Variants in RBFOX2 observed in about 807,000 individuals in gnomAD.
The protein encoded by RBFOX2 is RNA binding protein fox-1 homolog 2.
RBFOX2 carries 10 observed loss-of-function variants against 49.1 expected under a neutral mutation model. That is an observed-to-expected ratio of 0.20 (90% CI 0.13 to 0.35). The LOEUF is 0.35. Ranked by LOEUF, RBFOX2 falls within the 10% of genes least tolerant of loss-of-function variation. RBFOX2 has a pLI of 1.00. For synonymous variants in RBFOX2, 183 were observed against 187.4 expected (o/e 0.98, Z 0.19); for missense variants, 323 against 486.9 (o/e 0.66, Z 3.17).
At chr22:35,771,931 ACATTAAGTTGGT>A (rs1437197472) in intron 4 of RBFOX2, among the ~76,000 whole-genome samples, 1 of 152,206 alleles carries the variant, frequency 6.6e-6, no homozygotes, top group Non-Finnish European at 1.5e-5. Flanking sequence ...AATTGAATTG[ACATTAAGTTGGT>A]CATTCTGATC....
intron 1 of RBFOX2, among the ~76,000 whole-genome samples, chr22:35,981,051 A>G (rs922639191): frequency 1.3e-5 from 2 of 152,224 alleles, no homozygotes; most frequent in African/African-American, 4.8e-5. Context: ...ATAAATACTA[A>G]GAAAGAAGCC....
At chr22:35,815,498 A>G (rs1326427046) in intron 1 of RBFOX2, among the ~76,000 whole-genome samples, 1 of 152,254 alleles carries the variant, frequency 6.6e-6, no homozygotes, top group Non-Finnish European at 1.5e-5. Context: ...CCTCAACTTC[A>G]TTCTAATTTT....
chr22:35,876,806 C>T (rs188001701), intron 1 of RBFOX2, among the ~76,000 whole-genome samples: 243 of 151,682 alleles, frequency 1.6e-3, no homozygotes, highest in Non-Finnish European at 2.1e-3. Context: ...ATGGGGAAAA[C>T]GTTTGAGCAC....
intron 1 of RBFOX2, among the ~76,000 whole-genome samples, chr22:35,989,929 C>G (rs548160155): frequency 6.6e-6 from 1 of 152,284 alleles, no homozygotes; most frequent in Non-Finnish European, 1.5e-5. Context: ...CACCTACAAT[C>G]CCAGCAGTTT....
At chr22:36,009,657 G>C (rs780265083) in intron 1 of RBFOX2, among the ~76,000 whole-genome samples, 2 of 152,146 alleles carry the variant, frequency 1.3e-5, no homozygotes, top group Non-Finnish European at 2.9e-5. Context: ...CCAAAGTGCT[G>C]GGATTACAGG....
intron 1 of RBFOX2, among the ~76,000 whole-genome samples, chr22:35,886,789 T>C (rs1157751619): frequency 6.6e-6 from 1 of 152,196 alleles, no homozygotes; most frequent in Non-Finnish European, 1.5e-5. Flanking sequence ...CACTGATGAA[T>C]GATGCAGTTC....
At chr22:35,769,506 G>T (rs1942047531) in intron 4 of RBFOX2, among the ~76,000 whole-genome samples, 1 of 152,034 alleles carries the variant, frequency 6.6e-6, no homozygotes, top group Non-Finnish European at 1.5e-5. Flanking sequence ...CATTCTAGGT[G>T]CTCTGTCCTT....
At chr22:35,856,181 G>A (rs1170393123) in intron 1 of RBFOX2, among the ~76,000 whole-genome samples, 1 of 152,094 alleles carries the variant, frequency 6.6e-6, no homozygotes, top group Non-Finnish European at 1.5e-5. Flanking sequence ...AAATTATCAT[G>A]AGATTTGTAA....
At chr22:35,963,512 A>C (rs1466787723), upstream of RBFOX2, among the ~76,000 whole-genome samples, 2 of 152,288 alleles carry the variant, frequency 1.3e-5, no homozygotes, top group Admixed American at 1.3e-4. Flanking sequence ...CAAGAGGGAG[A>C]CTAAAGCAGT....
chr22:35,794,896 G>T (rs1315061955), intron 2 of RBFOX2, among the ~76,000 whole-genome samples: 2 of 152,148 alleles, frequency 1.3e-5, no homozygotes, highest in Non-Finnish European at 2.9e-5. Flanking sequence ...GGCATTAGGA[G>T]TAAGTAGGTA....
rs537476427 is a variant in RBFOX2 at position 35,967,782 on chromosome 22, T to G, written c.187-28885A>C. 1.1e-4 allele frequency among the ~76,000 whole-genome samples: 16 copies of G among 152,252 alleles called. No individual in the cohort carries two copies. The South Asian group carries it at 2.5e-3, about 24-fold the overall frequency. ...GCATTTCCTTATTAGTGCTACTGTT[T>G]CCAGTACACACATCTAAAATCCGTA... On this transcript the variant is annotated intron_variant, in intron 1 of 13. Coordinates refer to the RBFOX2 transcript ENST00000438146.
At chr22:35,774,963 T>C (rs1410476030) in intron 4 of RBFOX2, among the ~76,000 whole-genome samples, 1 of 152,158 alleles carries the variant, frequency 6.6e-6, no homozygotes, top group African/African-American at 2.4e-5. Flanking sequence ...AAAAATTCAA[T>C]AAAGCTAATT....
intron 1 of RBFOX2, among the ~76,000 whole-genome samples, chr22:35,911,392 A>T (rs2049813225): frequency 6.6e-6 from 1 of 152,238 alleles, no homozygotes; most frequent in Non-Finnish European, 1.5e-5. Context: ...ACTGCTACAC[A>T]GTAATCAATG....
chr22:35,761,089 C>G (rs1295490629), intron 8 of RBFOX2, 113 bp downstream of exon 9: 1 of 893,208 alleles, frequency 1.1e-6, no homozygotes, highest in Non-Finnish European at 1.7e-6. Context: ...TTTAATATCC[C>G]TCTCAAGAAA....
intron 1 of RBFOX2, among the ~76,000 whole-genome samples, chr22:35,909,751 A>G (rs1191906387): frequency 3.3e-5 from 5 of 152,172 alleles, no homozygotes; most frequent in Admixed American, 3.3e-4. Context: ...AGCTGGGATT[A>G]CAGGCACAAG....
At chr22:35,948,501 TAAG>T (rs1254587482) in intron 1 of RBFOX2, among the ~76,000 whole-genome samples, 1 of 151,884 alleles carries the variant, frequency 6.6e-6, no homozygotes, top group Non-Finnish European at 1.5e-5. Context: ...TGGGCCAACA[TAAG>T]GAGACCCTGG....
At chr22:35,843,737 C>T (rs1307828264), upstream of RBFOX2, among the ~76,000 whole-genome samples, 1 of 152,176 alleles carries the variant, frequency 6.6e-6, no homozygotes, top group African/African-American at 2.4e-5. Flanking sequence ...TTGTTACTTG[C>T]AAGGTGTCAT....
chr22:36,012,033 T>C (rs1459556642), intron 1 of RBFOX2, among the ~76,000 whole-genome samples: 1 of 152,158 alleles, frequency 6.6e-6, no homozygotes, highest in African/African-American at 2.4e-5. Context: ...ATCAATCCAC[T>C]GATTGATCTG....
chr22:35,933,787 A>G (rs1251940246), intron 1 of RBFOX2, among the ~76,000 whole-genome samples: 7 of 152,132 alleles, frequency 4.6e-5, no homozygotes, highest in Non-Finnish European at 7.4e-5. Flanking sequence ...ACCTAAAACT[A>G]GTAAACAACT....
Sources: allele counts gnomAD v4.1 joint callset (sites outside exome capture counted in the v4.1 genomes callset), GRCh38; gene constraint gnomAD v4.1.1; transcripts MANE v1.5; gene names NCBI Gene and HGNC (gene_info 2026-07-23, HGNC 2026-07-21).